PCDHGA12: variants seen among roughly 807,000 people sequenced by gnomAD.
PCDHGA12 encodes the protein protocadherin gamma subfamily A, 12, also known as protocadherin gamma-A12.
Under a neutral mutation model 61.1 loss-of-function variants are expected in PCDHGA12, and 43 were observed. The observed-to-expected ratio is 0.70, with a 90% CI of 0.55 to 0.91. The LOEUF is 0.91. Ranked by LOEUF, PCDHGA12 falls within the 40% of genes least tolerant of loss-of-function variation. The probability of loss-of-function intolerance (pLI) is 0.00; values close to 1 mark genes in which losing one functional copy is unlikely to be tolerated. For missense variants in PCDHGA12, 1,236 were observed against 1,227.7 expected, an observed-to-expected ratio of 1.01 and a Z score of -0.10; for synonymous variants, 520 against 542.9, an observed-to-expected ratio of 0.96 and a Z score of 0.59.
At chr5:141,461,963 C>T (rs1396490046) in intron 1 of PCDHGA12, among the ~76,000 whole-genome samples, 1 of 152,084 alleles carries the variant, frequency 6.6e-6, no homozygotes, top group Non-Finnish European at 1.5e-5. Flanking sequence ...AGCTGGGATT[C>T]CAGGCATATG....
intron 2 of PCDHGA12, among the ~76,000 whole-genome samples, chr5:141,497,006 T>C (rs947830895): frequency 1.3e-5 from 2 of 151,678 alleles, no homozygotes; most frequent in South Asian, 2.1e-4. Context: ...GCAGCCAACA[T>C]GGTGAAACCC....
At position 141,485,671 on chromosome 5, in the gene PCDHGA12, G is replaced by T; in HGVS notation, c.2425-9136G>T. On this transcript the variant is annotated intron_variant, in intron 1 of 3. Coordinates refer to ENST00000252085, the MANE Select transcript of PCDHGA12 (RefSeq NM_003735.3). This position sits in a 1 kb window ranked among gnomAD's most constrained non-coding sequence, Gnocchi z 5.7. The stretch of plus-strand genomic sequence containing the variant: ...AGGATGCAGATGTGGGGAGCAATTC[G>T]ATTAGCAGCTATAGGCTGAGCTCCA... 6.2e-7 allele frequency: 1 copy of T among 1,612,860 alleles called. No homozygotes were observed. The highest frequency in any genetic ancestry group is 8.5e-7 in the Non-Finnish European group (1 of 1,179,040).
intron 1 of PCDHGA12, chr5:141,484,931 A>G (rs940135310): frequency 1.4e-5 from 7 of 497,998 alleles, no homozygotes; most frequent in Non-Finnish European, 2.5e-5. Flanking sequence ...TGCTGTTGGG[A>G]CGTTCTCTGC....
chr5:141,430,875 T>C lies in PCDHGA12; in HGVS notation c.116T>C (p.Leu39Pro). ...ATACGCTATTCAGTTCCGGAAGAGC[T>C]GGAGAAAGGCTCTAGGGTGGGCGAC... ...TQIRYSVPEE[L>P]EKGSRVGDIS... The change falls in exon 1 of 4, where the codon CTG becomes CCG. Residue 39 changes from leucine to proline, a missense_variant. By Grantham distance (98) the Leu-to-Pro change is moderately conservative. Transcript: ENST00000252085. 6.3e-7 allele frequency: 1 copy of C among 1,599,398 alleles called. No individual in the cohort carries two copies. Among genetic ancestry groups the C allele is most frequent in the Non-Finnish European group, 8.5e-7 (1 of 1,174,232 alleles).
At chr5:141,445,188 GTATTCTA>G (rs1223900471) in intron 1 of PCDHGA12, among the ~76,000 whole-genome samples, 1 of 152,080 alleles carries the variant, frequency 6.6e-6, no homozygotes, top group Non-Finnish European at 1.5e-5. Context: ...ATGTTTTTAT[GTATTCTA>G]TATGCTTTTG....
rs200877911 is a variant in PCDHGA12 at position 141,477,977 on chromosome 5, A to G, written c.2425-16830A>G. ...ATCCCCTAACCAGAGCCTTTTTGCC[A>G]TAGGGCTGCACACTGGTCAAATCAG... On this transcript the variant is annotated intron_variant, in intron 1 of 3. Coordinates refer to ENST00000252085, the MANE Select transcript of PCDHGA12 (RefSeq NM_003735.3). The surrounding 1 kb of genome is among the most constrained non-coding windows in gnomAD (Gnocchi z 4.9). 5 of 1,614,092 alleles carry G rather than the reference A, an allele frequency of 3.1e-6. No individual in the cohort carries two copies. The East Asian group carries it at 6.7e-5, about 22-fold the overall frequency.
chr5:141,432,934 G>T lies in PCDHGA12; in HGVS notation c.2175G>T (p.Leu725=), dbSNP rs377666802. 1.2e-6 allele frequency: 2 copies of T among 1,614,078 alleles called. No individual in the cohort carries two copies. The highest frequency in any genetic ancestry group is 1.3e-5 in the African/African-American group (1 of 74,940). Residue 725 remains leucine, a synonymous_variant, in exon 1 of 4, where the codon CTG becomes CTT. Coordinates refer to ENST00000252085, the MANE Select transcript of PCDHGA12 (RefSeq NM_003735.3). This position sits in a 1 kb window ranked among gnomAD's most constrained non-coding sequence, Gnocchi z 6.0. ...RLRRWHKSRL[L]QASGGGLTGA... ...GGCGCTGGCACAAGTCACGCCTGCT[G>T]CAGGCTTCAGGAGGCGGCTTGACAG...
intron 1 of PCDHGA12, among the ~76,000 whole-genome samples, chr5:141,437,588 A>G (rs1399641711): frequency 6.6e-6 from 1 of 152,134 alleles, no homozygotes; most frequent in African/African-American, 2.4e-5. Context: ...CATGAATTGG[A>G]TAGTTCTGGT....
At chr5:141,500,667 TC>T (rs1032555959) in intron 2 of PCDHGA12, among the ~76,000 whole-genome samples, 26 of 152,194 alleles carry the variant, frequency 1.7e-4, no homozygotes, top group African/African-American at 6.0e-4. Flanking sequence ...GGCCATACTG[TC>T]CAACAGAATT....
At chr5:141,459,710 C>T (rs2098973565) in intron 1 of PCDHGA12, among the ~76,000 whole-genome samples, 1 of 152,204 alleles carries the variant, frequency 6.6e-6, no homozygotes, top group Non-Finnish European at 1.5e-5. Flanking sequence ...CATTTTCTCA[C>T]CAATGCTTCC....
At chr5:141,464,400 G>GAGATATATATATATCTATATATAT (rs2099082782) in intron 1 of PCDHGA12, among the ~76,000 whole-genome samples, 3 of 151,366 alleles carry the variant, frequency 2.0e-5, no homozygotes, top group African/African-American at 4.9e-5. Context: ...TGAAGAACCT[G>GAGATATATATATATCTATATATAT]AGATATATAT....
intron 1 of PCDHGA12, among the ~76,000 whole-genome samples, chr5:141,460,961 A>ATATGTGTGTGTG (rs1463306338): frequency 4.1e-5 from 6 of 144,616 alleles, no homozygotes; most frequent in Admixed American, 1.4e-4. Flanking sequence ...GTATATATAT[A>ATATGTGTGTGTG]TGTGTGTGTG....
chr5:141,431,736 G>T lies in PCDHGA12; in HGVS notation c.977G>T (p.Gly326Val). Residue 326 changes from glycine (G) to valine (V), a missense_variant, in exon 1 of 4, where the codon GGA becomes GTA. Gly to Val is a moderately radical substitution (Grantham distance 109). Transcript: ENST00000252085. The surrounding 1 kb of genome is among the most constrained non-coding windows in gnomAD (Gnocchi z 4.8). ...QMEVQAMDNA[G>V]YSARAKVLIT... ...GAAGTGCAAGCAATGGATAATGCAG[G>T]ATATTCTGCGCGAGCCAAAGTCCTG... 1 of 1,614,218 alleles carries T rather than the reference G, an allele frequency of 6.2e-7. No individual in the cohort carries two copies. The highest frequency in any genetic ancestry group is 8.5e-7 in the Non-Finnish European group (1 of 1,180,046).
intron 1 of PCDHGA12, among the ~76,000 whole-genome samples, chr5:141,488,870 G>T (rs2099680071): frequency 6.6e-6 from 1 of 152,224 alleles, no homozygotes; most frequent in African/African-American, 2.4e-5. Context: ...TGAGTGGGGA[G>T]GTAGGAAGCT....
In PCDHGA12 at chr5:141,431,766, C is replaced by T. The variant is rs1474420822; in HGVS notation, c.1007C>T (p.Thr336Ile). ...GYSARAKVLI[T>I]VLDVNDNAPE... Reference sequence around the variant, plus strand: ...TCTGCGCGAGCCAAAGTCCTGATCACTGTTCTGGACGTGAACGACAATGCC... The same window carrying T: ...TCTGCGCGAGCCAAAGTCCTGATCATTGTTCTGGACGTGAACGACAATGCC... Residue 336 changes from threonine to isoleucine, a missense_variant, in exon 1 of 4, where the codon ACT (threonine) becomes ATT (isoleucine). Physicochemically the swap from Thr to Ile is moderately conservative, Grantham distance 89. Transcript: ENST00000252085. The surrounding 1 kb of genome is among the most constrained non-coding windows in gnomAD (Gnocchi z 4.8). 2.5e-6 allele frequency: 4 copies of T among 1,614,196 alleles called. No individual in the cohort carries two copies. Among genetic ancestry groups the T allele is most frequent in the Non-Finnish European group, 3.4e-6 (4 of 1,180,010 alleles).
Position 141,491,436 on chromosome 5 carries a change from G to A in PCDHGA12, c.2425-3371G>A, listed in dbSNP as rs771884610. ...ACGGGGGTGGAGGGCAGTGCTGCAG[G>A]CGCCAGGACTCACCCTCCCCGGACT... On this transcript the variant is annotated intron_variant, in intron 1 of 3. Coordinates refer to ENST00000252085, the MANE Select transcript of PCDHGA12 (RefSeq NM_003735.3). This position sits in a 1 kb window ranked among gnomAD's most constrained non-coding sequence, Gnocchi z 6.9. 1 of 1,614,070 alleles carries A rather than the reference G, an allele frequency of 6.2e-7. No individual in the cohort carries two copies. The highest frequency in any genetic ancestry group is 8.5e-7 in the Non-Finnish European group (1 of 1,180,034).
chr5:141,476,747 C>A lies in PCDHGA12; in HGVS notation c.2425-18060C>A. 1 of 1,614,066 alleles carries A rather than the reference C, an allele frequency of 6.2e-7. No homozygotes were observed. The highest frequency in any genetic ancestry group is 1.3e-5 in the African/African-American group (1 of 75,074). On this transcript the variant is annotated intron_variant, in intron 1 of 3. Transcript: ENST00000252085. The surrounding 1 kb of genome is among the most constrained non-coding windows in gnomAD (Gnocchi z 7.6). ...GGACCGAGAACGGGAGCCTAGTCTCCAGTTAGTGCTGACGGCGTTGGACGG... is the reference window on the plus strand; with the variant it reads ...GGACCGAGAACGGGAGCCTAGTCTCAAGTTAGTGCTGACGGCGTTGGACGG...
intron 1 of PCDHGA12, among the ~76,000 whole-genome samples, chr5:141,461,917 G>A (rs527287831): frequency 6.6e-6 from 1 of 152,098 alleles, no homozygotes; most frequent in South Asian, 2.1e-4. Flanking sequence ...TCTGCCTCCT[G>A]GGTTCCAGCA....
Position 141,458,007 on chromosome 5 carries a change from C to T in PCDHGA12, c.2424+24824C>T, listed in dbSNP as rs142050242. Among the ~76,000 whole-genome samples the T allele has an allele frequency of 1.3e-3, 200 of 152,274 alleles. 1 individual carries two copies. The East Asian group carries it at 0.032, about 24-fold the overall frequency. ...TCAGTTAAAGCCTTGGCAAAATAAC[C>T]GGTTTTTCCAATTGTGTTCTGTTGA... On this transcript the variant is annotated intron_variant, in intron 1 of 3. Transcript: ENST00000252085.
Sources: gnomAD v4.1 joint callset for allele counts (sites outside exome capture counted in the v4.1 genomes callset) on GRCh38, gnomAD v4.1.1 for gene constraint, Gnocchi (gnomAD v3.1) non-coding constraint, MANE v1.5 for transcripts, NCBI Gene and HGNC (gene_info 2026-07-23, HGNC 2026-07-21) for gene names.